CPE: variants seen among roughly 807,000 people sequenced by gnomAD.
CPE encodes the protein carboxypeptidase E, also known as carbocypeptidase E.
In CPE, 17 loss-of-function variants were observed where a neutral mutation model predicts 53.5. The observed-to-expected ratio is 0.32, with a 90% CI of 0.22 to 0.48. CPE has a LOEUF of 0.48. Among genes scored for constraint, CPE ranks in the 20% least tolerant of loss-of-function variants. The probability of loss-of-function intolerance (pLI) is 0.99; values close to 1 mark genes in which losing one functional copy is unlikely to be tolerated. For missense variants in CPE, 524 were observed against 614.7 expected (o/e 0.85, Z 1.56); for synonymous variants, 226 against 228.8 (o/e 0.99, Z 0.11).
intron 1 of CPE, among the ~76,000 whole-genome samples, chr4:165,459,880 A>C (rs1189908546): frequency 7.1e-6 from 1 of 141,242 alleles, no homozygotes; most frequent in Non-Finnish European, 1.5e-5. Flanking sequence ...GTGCCACTGC[A>C]CTCCAGCCTG....
intron 1 of CPE, among the ~76,000 whole-genome samples, chr4:165,423,585 T>C (rs1731264578): frequency 6.6e-6 from 1 of 152,064 alleles, no homozygotes; most frequent in African/African-American, 2.4e-5. Context: ...AGAAGGTGAA[T>C]TCCCTGTTGC....
chr4:165,392,316 A>G (rs1414303629), intron 1 of CPE, among the ~76,000 whole-genome samples: 1 of 146,676 alleles, frequency 6.8e-6, no homozygotes, highest in Non-Finnish European at 1.5e-5. Flanking sequence ...TATATCATGT[A>G]TTGTAAATAT....
intron 4 of CPE, 73 bp downstream of exon 4, chr4:165,482,432 T>A: frequency 9.2e-7 from 1 of 1,082,134 alleles, no homozygotes; most frequent in East Asian, 2.5e-5. Flanking sequence ...AGATGATTTC[T>A]GTAATTTTTT....
At chr4:165,416,921 T>C (rs1216194051) in intron 1 of CPE, among the ~76,000 whole-genome samples, 1 of 152,038 alleles carries the variant, frequency 6.6e-6, no homozygotes, top group East Asian at 1.9e-4. Context: ...AGTCCATGAA[T>C]GAATGGAATT....
At chr4:165,446,972 A>C (rs1731727577) in intron 1 of CPE, among the ~76,000 whole-genome samples, 1 of 152,228 alleles carries the variant, frequency 6.6e-6, no homozygotes, top group Admixed American at 6.5e-5. Flanking sequence ...CCTACTACAC[A>C]TGTAGGTTAT....
intron 1 of CPE, among the ~76,000 whole-genome samples, chr4:165,428,993 A>G (rs1424087728): frequency 2.0e-5 from 3 of 152,180 alleles, no homozygotes; most frequent in African/African-American, 7.2e-5. Context: ...TTTTCAGCCT[A>G]CCACACTAAT....
At chr4:165,475,192 A>G (rs1732274928) in intron 3 of CPE, among the ~76,000 whole-genome samples, 1 of 152,216 alleles carries the variant, frequency 6.6e-6, no homozygotes, top group East Asian at 1.9e-4. Flanking sequence ...TGTTAACTCA[A>G]AAAAAGCAAA....
intron 1 of CPE, among the ~76,000 whole-genome samples, chr4:165,448,574 G>T (rs1257783291): frequency 6.6e-6 from 1 of 152,048 alleles, no homozygotes; most frequent in Non-Finnish European, 1.5e-5. Flanking sequence ...TAAGAAGGAG[G>T]TCCCTAACAT....
intron 1 of CPE, among the ~76,000 whole-genome samples, chr4:165,407,023 A>G (rs1005640804): frequency 6.6e-6 from 1 of 152,174 alleles, no homozygotes; most frequent in African/African-American, 2.4e-5. Flanking sequence ...TTTTTTGTCT[A>G]TCATGAACAA....
At chr4:165,422,986 A>AAAT (rs1731252096) in intron 1 of CPE, among the ~76,000 whole-genome samples, 1 of 151,664 alleles carries the variant, frequency 6.6e-6, no homozygotes, top group Admixed American at 6.6e-5. Context: ...CAAAAAAAAA[A>AAAT]AAAAAAAAAA....
intron 1 of CPE, among the ~76,000 whole-genome samples, chr4:165,393,297 A>G (rs150979222): frequency 1.7e-4 from 26 of 152,342 alleles, no homozygotes; most frequent in African/African-American, 5.8e-4. Context: ...CACTTGAATA[A>G]TGATCATGCA....
chr4:165,446,290 G>T (rs1454735351), intron 1 of CPE, among the ~76,000 whole-genome samples: 1 of 152,112 alleles, frequency 6.6e-6, no homozygotes, highest in Admixed American at 6.6e-5. Flanking sequence ...TACAAGTTTA[G>T]ACTGAGAAAA....
At chr4:165,460,183 G>A (rs887989406) in intron 1 of CPE, among the ~76,000 whole-genome samples, 25 of 151,606 alleles carry the variant, frequency 1.6e-4, no homozygotes, top group Admixed American at 4.6e-4. Flanking sequence ...ATCCATTTAC[G>A]CAGAAGAGAA....
intron 1 of CPE, among the ~76,000 whole-genome samples, chr4:165,393,324 T>C (rs2126656697): frequency 6.6e-6 from 1 of 152,328 alleles, no homozygotes; most frequent in East Asian, 1.9e-4. Context: ...CAGATGCTTT[T>C]GGGAGAGAAA....
At chr4:165,452,292 G>T (rs918101750) in intron 1 of CPE, among the ~76,000 whole-genome samples, 1 of 152,090 alleles carries the variant, frequency 6.6e-6, no homozygotes, top group Non-Finnish European at 1.5e-5. Flanking sequence ...GAGAAGAATT[G>T]CAATGTTTCC....
intron 1 of CPE, among the ~76,000 whole-genome samples, chr4:165,391,343 T>TACTTTATG (rs1730675586): frequency 6.6e-6 from 1 of 152,068 alleles, no homozygotes; most frequent in African/African-American, 2.4e-5. Context: ...ATAAAGACAG[T>TACTTTATG]AGTACAGGGA....
At chr4:165,460,653 C>G (rs1731983836) in intron 1 of CPE, among the ~76,000 whole-genome samples, 1 of 152,174 alleles carries the variant, frequency 6.6e-6, no homozygotes, top group Admixed American at 6.5e-5. Flanking sequence ...GCAGCTGCAC[C>G]TCTGTCTCAA....
chr4:165,487,631 C>T (rs957847929), intron 6 of CPE, 54 bp downstream of exon 6: 1 of 1,594,832 alleles, frequency 6.3e-7, no homozygotes, highest in Non-Finnish European at 8.6e-7. Flanking sequence ...TCAAACCTGT[C>T]CTACAATGGT....
chr4:165,478,164 C>T (rs1408678271), intron 3 of CPE, among the ~76,000 whole-genome samples: 1 of 152,122 alleles, frequency 6.6e-6, no homozygotes, highest in Non-Finnish European at 1.5e-5. Context: ...AATTATAGAA[C>T]ATCATATTTG....
Sources: gnomAD v4.1 joint callset for allele counts (sites outside exome capture counted in the v4.1 genomes callset) on GRCh38, gnomAD v4.1.1 for gene constraint, MANE v1.5 for transcripts, NCBI Gene and HGNC (gene_info 2026-07-23, HGNC 2026-07-21) for gene names.